RFX7: variants seen among roughly 807,000 people sequenced by gnomAD.
RFX7 encodes regulatory factor X7.
In RFX7, 26 loss-of-function variants were observed where a neutral mutation model predicts 111.8. The observed-to-expected ratio is 0.23, with a 90% confidence interval of 0.17 to 0.32. The LOEUF (loss-of-function observed/expected upper bound fraction) is 0.32, where lower values mean the gene tolerates loss of function less well. Ranked by LOEUF, RFX7 falls within the 10% of genes least tolerant of loss-of-function variation. RFX7 has a pLI of 1.00. For synonymous variants in RFX7, 624 were observed against 624.4 expected (o/e 1.00, Z 0.01); for missense variants, 1,573 against 1,772.9 (o/e 0.89, Z 2.02).
chr15:56,191,818 G>C (rs565637729), intron 2 of RFX7, among the ~76,000 whole-genome samples: 64 of 152,102 alleles, frequency 4.2e-4, no homozygotes, highest in South Asian at 1.9e-3. Context: ...TTGATGATCA[G>C]CTGAATGGAG....
chr15:56,192,106 C>T (rs16976793), intron 2 of RFX7, among the ~76,000 whole-genome samples: 10,093 of 152,122 alleles, frequency 0.066, 459 homozygotes, highest in Admixed American at 0.11. Context: ...AACAGTATAA[C>T]GCTTTTTAGA....
At chr15:56,229,340 A>G (rs2043522437) in intron 2 of RFX7, among the ~76,000 whole-genome samples, 1 of 152,060 alleles carries the variant, frequency 6.6e-6, no homozygotes, top group African/African-American at 2.4e-5. Flanking sequence ...ATCTCGGCTC[A>G]CTGCGAGCTC....
At chr15:56,228,026 T>C (rs2043505472) in intron 2 of RFX7, among the ~76,000 whole-genome samples, 1 of 152,184 alleles carries the variant, frequency 6.6e-6, no homozygotes, top group Non-Finnish European at 1.5e-5. Context: ...CACCGATATT[T>C]CACTGCACTT....
intron 8 of RFX7, among the ~76,000 whole-genome samples, chr15:56,099,448 T>C (rs1202204630): frequency 1.3e-5 from 2 of 152,136 alleles, no homozygotes; most frequent in Non-Finnish European, 2.9e-5. Context: ...TTTGCCCCTT[T>C]CCGACCCCAA....
chr15:56,149,553 C>G (rs989497161), intron 3 of RFX7, among the ~76,000 whole-genome samples: 1 of 152,144 alleles, frequency 6.6e-6, no homozygotes, highest in African/African-American at 2.4e-5. Flanking sequence ...CCACGGAGGG[C>G]GAGGCGAAGC....
At chr15:56,129,495 T>C (rs1249458086) in intron 5 of RFX7, among the ~76,000 whole-genome samples, 1 of 152,160 alleles carries the variant, frequency 6.6e-6, no homozygotes, top group East Asian at 1.9e-4. Flanking sequence ...AGGAGAAGTA[T>C]CATATCCACA....
At chr15:56,147,070 T>C (rs1246939903) in intron 3 of RFX7, among the ~76,000 whole-genome samples, 1 of 152,208 alleles carries the variant, frequency 6.6e-6, no homozygotes, top group Non-Finnish European at 1.5e-5. Context: ...ATCTGATTAT[T>C]TGATATGCTT....
intron 5 of RFX7, among the ~76,000 whole-genome samples, chr15:56,110,117 G>A (rs1168160033): frequency 7.3e-6 from 1 of 137,188 alleles, no homozygotes; most frequent in African/African-American, 2.8e-5. Context: ...CGCCCGGCCA[G>A]CCGCCCAGTC....
intron 2 of RFX7, 59 bp downstream of exon 2, chr15:56,243,066 C>CCCCATTGACCACAAA: frequency 8.6e-7 from 1 of 1,161,764 alleles, no homozygotes; most frequent in Non-Finnish European, 1.2e-6. Flanking sequence ...GCCCCCCACC[C>CCCCATTGACCACAAA]ACTTTGCAGC....
In RFX7 at chr15:56,164,109, A is replaced by AAC. The variant is rs561677733; in HGVS notation, c.195+15159_195+15160dup. Among the ~76,000 whole-genome samples, 26 of 152,382 alleles carry AAC rather than the reference A, an allele frequency of 1.7e-4. No homozygotes were observed. The East Asian group carries it at 3.1e-3, about 18-fold the overall frequency. On this transcript the variant is annotated intron_variant, in intron 3 of 9. Transcript: ENST00000559447. Reference sequence around the variant, plus strand: ...TTAGGTTCAACTGCTGTCATGCGCAAACAAGGGTTCAGTGTCCTGTTTTCA... The same window carrying AAC: ...TTAGGTTCAACTGCTGTCATGCGCAAACACAAGGGTTCAGTGTCCTGTTTTCA...
intron 3 of RFX7, among the ~76,000 whole-genome samples, chr15:56,159,978 T>A (rs991752118): frequency 6.6e-6 from 1 of 152,216 alleles, no homozygotes; most frequent in Non-Finnish European, 1.5e-5. Context: ...CAAATGTTAA[T>A]GAAAAGTGAT....
intron 2 of RFX7, among the ~76,000 whole-genome samples, chr15:56,185,377 A>G (rs1401060144): frequency 7.2e-5 from 11 of 152,228 alleles, no homozygotes; most frequent in Non-Finnish European, 1.6e-4. Context: ...TATATTCTCT[A>G]TTTATCTGCT....
intron 2 of RFX7, among the ~76,000 whole-genome samples, chr15:56,207,190 T>C (rs1281940115): frequency 6.6e-6 from 1 of 152,138 alleles, no homozygotes; most frequent in Non-Finnish European, 1.5e-5. Flanking sequence ...AGACAAACAC[T>C]GTAAGATTTC....
chr15:56,231,563 G>A (rs917961272), intron 2 of RFX7, among the ~76,000 whole-genome samples: 27 of 152,178 alleles, frequency 1.8e-4, no homozygotes, highest in African/African-American at 6.5e-4. Context: ...ACAACACATG[G>A]GAATTATGGA....
Position 56,098,378 on chromosome 15 carries a change from T to TG in RFX7, c.812-3dup, listed in dbSNP as rs2041710801. ...AAGGCTGGGTAATTCCTTTCATTCC[T>TG]GAAAATAAACAGAAAGGAAAGCTGC... On this transcript the variant is annotated splice_region_variant and splice_polypyrimidine_tract_variant and intron_variant, in intron 8 of 9. Coordinates refer to ENST00000559447, the MANE Select transcript of RFX7 (RefSeq NM_022841.7). 6.3e-7 allele frequency: 1 copy of TG among 1,580,464 alleles called. No homozygotes were observed. The highest frequency in any genetic ancestry group is 2.3e-5 in the East Asian group (1 of 44,058).
chr15:56,192,976 A>G (rs1333347102), intron 2 of RFX7: 6 of 193,630 alleles, frequency 3.1e-5, no homozygotes, highest in African/African-American at 1.4e-4. Context: ...CGGATATTGC[A>G]TCTGTGCTGG....
intron 5 of RFX7, among the ~76,000 whole-genome samples, chr15:56,110,317 T>TTG (rs2041904824): frequency 1.1e-4 from 1 of 9,050 alleles, no homozygotes; most frequent in African/African-American, 4.0e-4. Context: ...GGGAGGGAGG[T>TTG]GGGGGGGGGG....
At chr15:56,239,403 G>A (rs1234273886) in intron 2 of RFX7, among the ~76,000 whole-genome samples, 1 of 151,874 alleles carries the variant, frequency 6.6e-6, no homozygotes, top group Non-Finnish European at 1.5e-5. Flanking sequence ...CGAGTAGCCA[G>A]GATTACAGGT....
chr15:56,119,297 T>C (rs76289981), intron 5 of RFX7, among the ~76,000 whole-genome samples: 218 of 152,318 alleles, frequency 1.4e-3, no homozygotes, highest in Non-Finnish European at 2.1e-3. Flanking sequence ...AGTGTTCTCT[T>C]ATAGTAGTTT....
Sources: gnomAD v4.1 joint callset for allele counts (sites outside exome capture counted in the v4.1 genomes callset) on GRCh38, gnomAD v4.1.1 for gene constraint, MANE v1.5 for transcripts, NCBI Gene and HGNC (gene_info 2026-07-23, HGNC 2026-07-21) for gene names.